Variants in SPG11 observed in about 807,000 individuals in gnomAD.
The protein encoded by SPG11 is SPG11 vesicle trafficking associated, spatacsin, also known as spatacsin.
A neutral mutation model predicts 274.0 loss-of-function variants in SPG11; 222 were observed. That is an observed-to-expected ratio of 0.81 (90% CI 0.73 to 0.91). SPG11 has a LOEUF of 0.91. SPG11 is among the 40% of genes least tolerant of loss of function. SPG11 has a pLI of 0.00. For missense variants in SPG11, 3,114 were observed against 2,872.7 expected (o/e 1.08, Z -1.92); for synonymous variants, 1,144 against 1,039.7 (o/e 1.10, Z -1.93).
At chr15:44,643,216 A>C (rs1021401735) in intron 7 of SPG11, among the ~76,000 whole-genome samples, 1 of 152,166 alleles carries the variant, frequency 6.6e-6, no homozygotes, top group Non-Finnish European at 1.5e-5. Context: ...GCTGAGTTAG[A>C]TTTCCTAACC....
At position 44,564,592 on chromosome 15, in the gene SPG11, T is replaced by C. The variant is rs752416683; in HGVS notation, c.7106A>G (p.Gln2369Arg). ...GDFNYLEEFK[Q>R]QRLLKSSIFE... is the part of the protein sequence containing the mutation. ...TATACTGGACTTTAATAACCTTTGC[T>C]GCTTAAATTCTTCCAAGTAATTAAA... The change falls in exon 39 of 40, where the codon CAG becomes CGG. Residue 2369 changes from glutamine (Q) to arginine (R), a missense_variant. Coordinates refer to ENST00000261866, the MANE Select transcript of SPG11 (RefSeq NM_025137.4). 3 of 1,614,036 alleles carry C rather than the reference T, an allele frequency of 1.9e-6. No homozygotes were observed. In the South Asian group the frequency reaches 3.3e-5, roughly 18 times the overall value.
In SPG11 at chr15:44,651,858, G is replaced by T. The variant is rs748818560; in HGVS notation, c.1089C>A (p.Phe363Leu). The stretch of plus-strand genomic sequence containing the variant: ...GTGACTCCAAATGCAAAATATCCTG[G>T]AACCATGGAGCACAACAGGAAACCT... ...KLEVSCCAPW[F>L]QDILHLESPE... Residue 363 changes from phenylalanine (F) to leucine (L), a missense_variant, in exon 6 of 40, where the codon TTC becomes TTA. Physicochemically the swap from Phe to Leu is conservative, Grantham distance 22 (BLOSUM62 0). Transcript: ENST00000261866. 1.8e-5 allele frequency: 29 copies of T among 1,613,800 alleles called. No homozygotes were observed. The highest frequency in any genetic ancestry group is 2.5e-5 in the Non-Finnish European group (29 of 1,179,850).
chr15:44,587,718 A>AAAAAAAAAACAAAAAAC (rs1567141736), intron 28 of SPG11, among the ~76,000 whole-genome samples: 1 of 148,638 alleles, frequency 6.7e-6, no homozygotes, highest in African/African-American at 2.6e-5. Flanking sequence ...AAAAAAAAAA[A>AAAAAAAAAACAAAAAAC]AACGTATTCC....
At chr15:44,594,220 A>AT (rs1414816801) in intron 26 of SPG11, among the ~76,000 whole-genome samples, 4 of 151,100 alleles carry the variant, frequency 2.6e-5, no homozygotes, top group Admixed American at 2.6e-4. Flanking sequence ...AGGTCAGGAG[A>AT]TTGAGACCAG....
chr15:44,577,130 A>G (rs2082555736), intron 30 of SPG11, among the ~76,000 whole-genome samples: 1 of 152,084 alleles, frequency 6.6e-6, no homozygotes, highest in Non-Finnish European at 1.5e-5. Flanking sequence ...GCCCAGTCTG[A>G]ACTGACTTTT....
At chr15:44,564,158 A>G (rs920418716) in intron 39 of SPG11, among the ~76,000 whole-genome samples, 2 of 151,826 alleles carry the variant, frequency 1.3e-5, no homozygotes, top group Non-Finnish European at 1.5e-5. Flanking sequence ...ACACCCAGCT[A>G]ATTTTTGTAT....
rs1567141672 is a variant in SPG11 at position 44,587,697 on chromosome 15, A to AAAAAAAAAAAAAAC, written c.4906+1554_4906+1555insGTTTTTTTTTTTTT. On this transcript the variant is annotated intron_variant, in intron 28 of 39. Coordinates refer to ENST00000261866, the MANE Select transcript of SPG11 (RefSeq NM_025137.4). ...GGCAACAGAGCCAGACTGTCTCAAA[A>AAAAAAAAAAAAAAC]AAAAAAAAAAAAAAAAAAAAAAACG... Among the ~76,000 whole-genome samples the AAAAAAAAAAAAAAC allele has an allele frequency of 2.8e-3, 398 of 143,844 alleles. 12 individuals carry two copies. Among genetic ancestry groups the AAAAAAAAAAAAAAC allele is most frequent in the African/African-American group, 0.01 (383 of 37,652 alleles). The allele number at this position is 143,844 out of a possible 152,430, so 94.4% of individuals were successfully genotyped here.
chr15:44,637,206 C>T (rs1330116639), intron 7 of SPG11, among the ~76,000 whole-genome samples: 1 of 152,108 alleles, frequency 6.6e-6, no homozygotes, highest in Non-Finnish European at 1.5e-5. Flanking sequence ...AAGAAATTAT[C>T]CACAATGTAC....
rs1419414989 is a variant in SPG11 at position 44,628,739 on chromosome 15, T to C, written c.1997A>G (p.Asp666Gly). 1.2e-6 allele frequency: 2 copies of C among 1,613,650 alleles called. No homozygotes were observed. The highest frequency in any genetic ancestry group is 2.2e-5 in the East Asian group (1 of 44,854). The part of the protein sequence containing the change: ...KFPWKLTDAI[D>G]EYDVHENVPK... Reference sequence around the variant, plus strand: ...GACATTTTCATGTACATCATATTCATCTATAGCATCTGTTAGCTTCCAAGG... The same window carrying C: ...GACATTTTCATGTACATCATATTCACCTATAGCATCTGTTAGCTTCCAAGG... The change falls in exon 10 of 40, where the codon GAT becomes GGT. Residue 666 changes from aspartate to glycine, a missense_variant. Physicochemically the swap from Asp to Gly is moderately conservative, Grantham distance 94. Coordinates refer to ENST00000261866, the MANE Select transcript of SPG11 (RefSeq NM_025137.4).
intron 39 of SPG11, 77 bp from the exon 40 acceptor site, chr15:44,563,378 G>A (rs1051111452): frequency 9.3e-6 from 13 of 1,394,410 alleles, no homozygotes; most frequent in African/African-American, 4.2e-5. Context: ...TTACTCTGTT[G>A]CCCAGGCTGG....
At chr15:44,591,908 A>T (rs2082908378) in intron 27 of SPG11, among the ~76,000 whole-genome samples, 1 of 152,100 alleles carries the variant, frequency 6.6e-6, no homozygotes, top group Admixed American at 6.5e-5. Flanking sequence ...TCAGGAGTTC[A>T]AGACCAGCCT....
chr15:44,648,803 A>G lies in SPG11; in HGVS notation c.1602+63T>C, dbSNP rs180700559. On this transcript the variant is annotated intron_variant, in intron 7 of 39. Coordinates refer to ENST00000261866, the MANE Select transcript of SPG11 (RefSeq NM_025137.4). ...TTAAATGAATTCTCTCAAATCCTAA[A>G]TCGAATAAAAGTATATAACACAAAA... 1.9e-6 allele frequency: 3 copies of G among 1,550,066 alleles called. No homozygotes were observed. In the Admixed American group the frequency reaches 5.0e-5, roughly 26 times the overall value.
At chr15:44,605,539 A>G (rs536864850) in intron 20 of SPG11, among the ~76,000 whole-genome samples, 1 of 152,328 alleles carries the variant, frequency 6.6e-6, no homozygotes, top group Admixed American at 6.5e-5. Context: ...TGGTCTTTAT[A>G]GGACATCACG....
chr15:44,620,409 T>TG lies in SPG11; in HGVS notation c.2621-7dup. 1 of 1,597,946 alleles carries TG rather than the reference T, an allele frequency of 6.3e-7. No individual in the cohort carries two copies. Among genetic ancestry groups the TG allele is most frequent in the Non-Finnish European group, 8.6e-7 (1 of 1,168,644 alleles). ...AGGGGAATATGATTTGTATTCTACATGAAAAAAAACACATTTTAAAATATA... is the reference window on the plus strand; with the variant it reads ...AGGGGAATATGATTTGTATTCTACATGGAAAAAAAACACATTTTAAAATATA... On this transcript the variant is annotated splice_region_variant and splice_polypyrimidine_tract_variant and intron_variant, in intron 14 of 39. Transcript: ENST00000261866.
At chr15:44,578,714 T>A (rs1397899304) in intron 30 of SPG11, among the ~76,000 whole-genome samples, 1 of 152,244 alleles carries the variant, frequency 6.6e-6, no homozygotes, top group Non-Finnish European at 1.5e-5. Flanking sequence ...TGAACTAATG[T>A]TAAAACCACA....
chr15:44,589,556 C>A, intron 27 of SPG11, 142 bp from the exon 28 acceptor site: 2 of 968,512 alleles, frequency 2.1e-6, no homozygotes, highest in African/African-American at 1.6e-5. Context: ...AGTTCCTTTC[C>A]AAATGGCAGG....
chr15:44,633,558 T>A lies in SPG11; in HGVS notation c.1682A>T (p.Lys561Ile). 1 of 1,612,118 alleles carries A rather than the reference T, an allele frequency of 6.2e-7. No homozygotes were observed. Among genetic ancestry groups the A allele is most frequent in the Non-Finnish European group, 8.5e-7 (1 of 1,178,550 alleles). The change falls in exon 8 of 40, where the codon AAA becomes ATA. Residue 561 changes from lysine (K) to isoleucine (I), a missense_variant. By Grantham distance (102) the Lys-to-Ile change is moderately radical (BLOSUM62 -3). Transcript: ENST00000261866. ...SKENLFNPSSKSSVSDQFDHL... is the reference protein window; with the variant it reads ...SKENLFNPSSISSVSDQFDHL... ...ATCAAACTGATCAGATACAGAAGAT[T>A]TTGAGGATGGATTAAAAAGATTTTC...
In SPG11 at chr15:44,641,997, G is replaced by C. The variant is rs571364365; in HGVS notation, c.1602+6869C>G. ...ATATTATACAGTGGGATACGATACAGAGGTGAAACTGAATGAACTATAGTT... is the reference window on the plus strand; with the variant it reads ...ATATTATACAGTGGGATACGATACACAGGTGAAACTGAATGAACTATAGTT... On this transcript the variant is annotated intron_variant, in intron 7 of 39. Coordinates refer to ENST00000261866, the MANE Select transcript of SPG11 (RefSeq NM_025137.4). 4.1e-5 allele frequency among the ~76,000 whole-genome samples: 6 copies of C among 147,790 alleles called. No individual in the cohort carries two copies. In the East Asian group the frequency reaches 1.2e-3, roughly 29 times the overall value.
At chr15:44,593,389 CTG>C (rs1293200636) in intron 26 of SPG11, among the ~76,000 whole-genome samples, 1 of 152,018 alleles carries the variant, frequency 6.6e-6, no homozygotes, top group Middle Eastern at 3.2e-3. Flanking sequence ...ACGGGGTTCA[CTG>C]TGTTGCCAGG....
Sources: allele counts gnomAD v4.1 joint callset (sites outside exome capture counted in the v4.1 genomes callset), GRCh38; gene constraint gnomAD v4.1.1; transcripts MANE v1.5; gene names NCBI Gene and HGNC (gene_info 2026-07-23, HGNC 2026-07-21).